The following ATF7IP variants were observed in gnomAD, a reference collection of about 807,000 sequenced individuals.
The protein encoded by ATF7IP is activating transcription factor 7-interacting protein 1.
Under a neutral mutation model 106.4 loss-of-function variants are expected in ATF7IP, and 23 were observed. The ratio of observed to expected loss-of-function variants is 0.22; its 90% CI spans 0.16 to 0.31. The LOEUF (loss-of-function observed/expected upper bound fraction) is 0.31. Among genes scored for constraint, ATF7IP ranks in the 10% least tolerant of loss-of-function variants. The pLI is 1.00. For synonymous variants in ATF7IP, 542 were observed against 539.0 expected, an observed-to-expected ratio of 1.01 and a Z score of -0.08; for missense variants, 1,334 against 1,524.3, an observed-to-expected ratio of 0.88 and a Z score of 2.08.
At chr12:14,416,425 C>T (rs1941210567) in intron 1 of ATF7IP, among the ~76,000 whole-genome samples, 2 of 152,090 alleles carry the variant, frequency 1.3e-5, no homozygotes, top group South Asian at 4.1e-4. Context: ...ATAGAAATGC[C>T]ATGTCCACTT....
chr12:14,391,490 G>T (rs888333490), intron 1 of ATF7IP, among the ~76,000 whole-genome samples: 1 of 152,162 alleles, frequency 6.6e-6, no homozygotes, highest in East Asian at 1.9e-4. Context: ...CTCTCGTACT[G>T]TTATTAAGTA....
intron 1 of ATF7IP, among the ~76,000 whole-genome samples, chr12:14,380,503 T>A (rs1010229247): frequency 6.6e-6 from 1 of 152,244 alleles, no homozygotes; most frequent in African/African-American, 2.4e-5. Flanking sequence ...TCTTCCATTT[T>A]TATCAATAGA....
At position 14,445,113 on chromosome 12, in the gene ATF7IP, C is replaced by T. The variant is rs575168619; in HGVS notation, c.1930-1875C>T. Among the ~76,000 whole-genome samples the T allele has an allele frequency of 1.5e-4, 23 of 151,434 alleles. No homozygotes were observed. The East Asian group carries it at 4.3e-3, about 28-fold the overall frequency. On this transcript the variant is annotated intron_variant, in intron 5 of 14. Transcript: ENST00000261168. ...TCAAGCAATTCTCCTGCCTCAGCCT[C>T]CCGAAGAGCTGGGACTACAGGCGCG...
At chr12:14,474,491 C>T (rs1591942742) in intron 10 of ATF7IP, among the ~76,000 whole-genome samples, 1 of 151,574 alleles carries the variant, frequency 6.6e-6, no homozygotes, top group African/African-American at 2.4e-5. Flanking sequence ...ACGTCCGCCT[C>T]CCAGGTTCAA....
At chr12:14,474,559 C>G (rs1485419658) in intron 10 of ATF7IP, among the ~76,000 whole-genome samples, 1 of 151,938 alleles carries the variant, frequency 6.6e-6, no homozygotes, top group Non-Finnish European at 1.5e-5. Flanking sequence ...CACCACCATG[C>G]CTGGCTAATT....
rs1942575419 is a variant in ATF7IP, at chr12:14,439,239, G to A, written c.1929+972G>A. ...GTTCCTATTGGGTTATTTTATATAT[G>A]AGCATATCCCAAAGATGCTGAGTGG... On this transcript the variant is annotated intron_variant, in intron 5 of 14. Transcript: ENST00000261168. 5.3e-5 allele frequency among the ~76,000 whole-genome samples: 8 copies of A among 152,242 alleles called. No individual in the cohort carries two copies. In the South Asian group the frequency reaches 1.7e-3, roughly 32 times the overall value.
chr12:14,466,491 A>T (rs774540428), intron 9 of ATF7IP, 35 bp from the exon 10 acceptor site: 1 of 1,541,476 alleles, frequency 6.5e-7, no homozygotes, highest in Non-Finnish European at 8.9e-7. Flanking sequence ...TACATTTTGT[A>T]GATGTTTTTA....
intron 1 of ATF7IP, chr12:14,367,579 C>CT (rs1399407336): frequency 6.6e-6 from 1 of 151,992 alleles, no homozygotes; most frequent in Non-Finnish European, 1.5e-5. Context: ...GAACTTTGAT[C>CT]TTTGATCTTA....
intron 1 of ATF7IP, among the ~76,000 whole-genome samples, chr12:14,406,480 C>T: frequency 6.6e-6 from 1 of 151,712 alleles, no homozygotes; most frequent in Non-Finnish European, 1.5e-5. Flanking sequence ...ATTAATATTG[C>T]TTTCCTTGCA....
chr12:14,370,902 A>AT (rs533633885), intron 1 of ATF7IP, among the ~76,000 whole-genome samples: 414 of 144,884 alleles, frequency 2.9e-3, no homozygotes, highest in African/African-American at 4.7e-3. Flanking sequence ...AACACAGACA[A>AT]TTTTTTTTTT....
chr12:14,485,175 G>T (rs1351424744), intron 13 of ATF7IP, among the ~76,000 whole-genome samples: 1 of 152,056 alleles, frequency 6.6e-6, no homozygotes, highest in Admixed American at 6.6e-5. Flanking sequence ...CAGTAGCATG[G>T]ACCTGTTGCA....
chr12:14,425,120 C>T lies in ATF7IP; in HGVS notation c.1205C>T (p.Thr402Ile). ...IDQGEKNEDETSADLVETINE... is the reference protein window; with the variant it reads ...IDQGEKNEDEISADLVETINE... ...CAAGGTGAAAAGAATGAAGATGAAACTTCTGCAGATCTTGTAGAAACGATT... is the reference window on the plus strand; with the variant it reads ...CAAGGTGAAAAGAATGAAGATGAAATTTCTGCAGATCTTGTAGAAACGATT... The change falls in exon 2 of 15, where the codon ACT (threonine) becomes ATT (isoleucine). Residue 402 changes from threonine (T) to isoleucine (I), a missense_variant. This residue lies in a region of ATF7IP where 438 missense variants were observed against 405.3 expected (regional missense o/e 1.08). Coordinates refer to ENST00000261168, the MANE Select transcript of ATF7IP (RefSeq NM_018179.5). 1 of 1,588,192 alleles carries T rather than the reference C, an allele frequency of 6.3e-7. No individual in the cohort carries two copies. The highest frequency in any genetic ancestry group is 1.2e-5 in the South Asian group (1 of 85,560).
chr12:14,440,486 T>G (rs1942645126), intron 5 of ATF7IP, among the ~76,000 whole-genome samples: 1 of 152,206 alleles, frequency 6.6e-6, no homozygotes, highest in Admixed American at 6.5e-5. Flanking sequence ...TCCTACAGGG[T>G]ACTATTAATG....
intron 13 of ATF7IP, among the ~76,000 whole-genome samples, chr12:14,494,299 ATATATATATATATATATATATATATATAT>A (rs1339120969): frequency 4.2e-5 from 3 of 72,078 alleles, no homozygotes; most frequent in African/African-American, 1.5e-4. Context: ...ATATATATAT[ATATATATATATATATATATATATATATAT>A]ATATATGTGT....
chr12:14,428,416 T>A (rs955151167), intron 2 of ATF7IP, among the ~76,000 whole-genome samples: 5 of 152,230 alleles, frequency 3.3e-5, no homozygotes, highest in African/African-American at 1.2e-4. Context: ...TTATTTTGTA[T>A]CTTTTCCCCT....
chr12:14,377,884 T>C (rs1005285206), intron 1 of ATF7IP, among the ~76,000 whole-genome samples: 1 of 151,984 alleles, frequency 6.6e-6, no homozygotes, highest in African/African-American at 2.4e-5. Flanking sequence ...TGCCTCAGCC[T>C]CCCAAAGTGC....
intron 5 of ATF7IP, among the ~76,000 whole-genome samples, chr12:14,445,292 C>T (rs1942902269): frequency 6.6e-6 from 1 of 152,012 alleles, no homozygotes; most frequent in East Asian, 1.9e-4. Flanking sequence ...CCTGGCCCAC[C>T]TATATGATTT....
chr12:14,388,328 G>A (rs1939359533), intron 1 of ATF7IP, among the ~76,000 whole-genome samples: 1 of 151,666 alleles, frequency 6.6e-6, no homozygotes, highest in African/African-American at 2.4e-5. Context: ...GGGATTACAG[G>A]CGTGAGCCAC....
intron 6 of ATF7IP, among the ~76,000 whole-genome samples, chr12:14,454,238 T>G (rs1163022108): frequency 6.6e-6 from 1 of 152,124 alleles, no homozygotes; most frequent in Non-Finnish European, 1.5e-5. Context: ...GGTTTGCCTC[T>G]CTACTCTGAA....
Sources: allele counts gnomAD v4.1 joint callset (sites outside exome capture counted in the v4.1 genomes callset), GRCh38; gene constraint gnomAD v4.1.1; regional missense constraint gnomAD v4.1.1; transcripts MANE v1.5; gene names NCBI Gene and HGNC (gene_info 2026-07-23, HGNC 2026-07-21).